The following CDH13 variants were observed in gnomAD, a reference collection of about 807,000 sequenced individuals.
CDH13 encodes the protein cadherin 13, also known as cadherin-13.
CDH13 carries 24 observed loss-of-function variants against 63.8 expected under a neutral mutation model. The ratio of observed to expected loss-of-function variants is 0.38; its 90% CI spans 0.27 to 0.53. The LOEUF (loss-of-function observed/expected upper bound fraction) is 0.53. CDH13 is among the 20% of genes least tolerant of loss of function. The pLI, the probability that CDH13 is intolerant of heterozygous loss-of-function variation, is 0.85. For missense variants in CDH13, 1,049 were observed against 903.1 expected (o/e 1.16, Z -2.07); for synonymous variants, 503 against 355.3 (o/e 1.42, Z -4.67).
intron 2 of CDH13, among the ~76,000 whole-genome samples, chr16:82,888,891 G>C (rs2040982422): frequency 6.6e-6 from 1 of 152,178 alleles, no homozygotes; most frequent in African/African-American, 2.4e-5. Context: ...TGAGCAAGCT[G>C]GGGAGGAGGG....
chr16:83,686,488 A>G (rs566154326), intron 10 of CDH13, among the ~76,000 whole-genome samples: 3 of 152,362 alleles, frequency 2.0e-5, no homozygotes, highest in East Asian at 3.9e-4. Context: ...AATTGAAATT[A>G]ATAAATATCA....
chr16:83,739,193 G>T (rs1911824642), intron 10 of CDH13, among the ~76,000 whole-genome samples: 1 of 152,106 alleles, frequency 6.6e-6, no homozygotes, highest in South Asian at 2.1e-4. Flanking sequence ...CTGAATATCT[G>T]TTTTCCCCCT....
At chr16:83,071,196 G>C (rs1411781019) in intron 3 of CDH13, among the ~76,000 whole-genome samples, 3 of 152,156 alleles carry the variant, frequency 2.0e-5, no homozygotes, top group Non-Finnish European at 4.4e-5. Context: ...GATTATACAT[G>C]AGTGTTAGAA....
At chr16:82,864,315 T>C (rs2040046887) in intron 2 of CDH13, among the ~76,000 whole-genome samples, 1 of 152,164 alleles carries the variant, frequency 6.6e-6, no homozygotes, top group African/African-American at 2.4e-5. Flanking sequence ...ATCATATGCA[T>C]GTTAGGAGGT....
At chr16:83,374,740 G>C (rs1440747375) in intron 6 of CDH13, among the ~76,000 whole-genome samples, 1 of 152,174 alleles carries the variant, frequency 6.6e-6, no homozygotes, top group African/African-American at 2.4e-5. Flanking sequence ...CCACACACCT[G>C]AGAGTGTGAA....
chr16:83,176,945 A>T (rs2038152131), intron 4 of CDH13, among the ~76,000 whole-genome samples: 1 of 152,076 alleles, frequency 6.6e-6, no homozygotes, highest in South Asian at 2.1e-4. Context: ...ATGTCACCCT[A>T]GGAATGGCAA....
At chr16:83,194,406 C>T (rs1050668104) in intron 4 of CDH13, among the ~76,000 whole-genome samples, 3 of 152,200 alleles carry the variant, frequency 2.0e-5, no homozygotes, top group Non-Finnish European at 2.9e-5. Context: ...CCTGTCTCCC[C>T]ATGGAATGCT....
chr16:83,441,589 C>A (rs1052751717), intron 6 of CDH13, among the ~76,000 whole-genome samples: 3 of 152,032 alleles, frequency 2.0e-5, no homozygotes, highest in Admixed American at 6.6e-5. Flanking sequence ...CATGCCATTC[C>A]TTAGAGTTGG....
intron 3 of CDH13, among the ~76,000 whole-genome samples, chr16:83,057,269 G>C (rs992211821): frequency 3.3e-5 from 5 of 152,110 alleles, no homozygotes; most frequent in Admixed American, 2.6e-4. Context: ...CCCAGTCTCA[G>C]GTATGTCTTT....
At chr16:83,475,551 C>T (rs1235024538) in intron 6 of CDH13, among the ~76,000 whole-genome samples, 1 of 152,094 alleles carries the variant, frequency 6.6e-6, no homozygotes, top group Non-Finnish European at 1.5e-5. Flanking sequence ...TCATTCTAGC[C>T]TAGCCTAATA....
chr16:83,110,891 C>T (rs190489138), intron 3 of CDH13, among the ~76,000 whole-genome samples: 75 of 150,522 alleles, frequency 5.0e-4, no homozygotes, highest in African/African-American at 1.8e-3. Context: ...TTGGACTTTT[C>T]CTGTTTTCTT....
chr16:83,595,287 A>G (rs1848643444), intron 7 of CDH13, among the ~76,000 whole-genome samples: 1 of 152,208 alleles, frequency 6.6e-6, no homozygotes, highest in South Asian at 2.1e-4. Flanking sequence ...CAGACCTTTG[A>G]GACATAATTT....
Position 82,627,029 on chromosome 16 carries a change from A to G in CDH13, c.-64A>G. On this transcript the variant is annotated 5_prime_UTR_variant, in exon 1 of 14. Transcript: ENST00000567109. ...CTCCTCAAAGCCTGGCTCCCACGGA[A>G]AATATGCTCAGTGCAGCCGCGTGCA... 1 of 1,553,290 alleles carries G rather than the reference A, an allele frequency of 6.4e-7. No homozygotes were observed. The highest frequency in any genetic ancestry group is 8.7e-7 in the Non-Finnish European group (1 of 1,146,456).
intron 2 of CDH13, among the ~76,000 whole-genome samples, chr16:82,987,554 C>G (rs1001393055): frequency 1.3e-5 from 2 of 152,018 alleles, no homozygotes; most frequent in Non-Finnish European, 2.9e-5. Flanking sequence ...TTTTTGGATT[C>G]TTAGTAGAGA....
intron 10 of CDH13, among the ~76,000 whole-genome samples, chr16:83,688,239 C>T (rs879835838): frequency 6.6e-6 from 1 of 152,140 alleles, no homozygotes; most frequent in Non-Finnish European, 1.5e-5. Flanking sequence ...GGCGATGGGA[C>T]ATTTTATTCT....
At chr16:83,488,256 A>G (rs752585566) in intron 7 of CDH13, among the ~76,000 whole-genome samples, 7 of 152,342 alleles carry the variant, frequency 4.6e-5, no homozygotes, top group Non-Finnish European at 7.4e-5. Context: ...CTGGGCAACA[A>G]TGGCCTAGAC....
intron 1 of CDH13, among the ~76,000 whole-genome samples, chr16:82,750,324 T>C (rs1295620527): frequency 6.6e-6 from 1 of 152,174 alleles, no homozygotes; most frequent in Non-Finnish European, 1.5e-5. Flanking sequence ...GTCTGGTCTT[T>C]AATCTGTTTT....
chr16:82,681,443 T>C (rs770743593), intron 1 of CDH13, among the ~76,000 whole-genome samples: 10 of 152,222 alleles, frequency 6.6e-5, no homozygotes, highest in Non-Finnish European at 7.3e-5. Flanking sequence ...TTGCACAGCA[T>C]TGATAGTGTT....
At chr16:83,076,750 T>A (rs1336829976) in intron 3 of CDH13, among the ~76,000 whole-genome samples, 1 of 152,168 alleles carries the variant, frequency 6.6e-6, no homozygotes, top group Non-Finnish European at 1.5e-5. Context: ...GCATGCATAT[T>A]GTTAATTAGA....
Sources: allele counts gnomAD v4.1 joint callset (sites outside exome capture counted in the v4.1 genomes callset), GRCh38; gene constraint gnomAD v4.1.1; transcripts MANE v1.5; gene names NCBI Gene and HGNC (gene_info 2026-07-23, HGNC 2026-07-21).